DESI1: variants seen among roughly 807,000 people sequenced by gnomAD.
DESI1 encodes PPPDE peptidase domain containing 2.
DESI1 carries 17 observed loss-of-function variants against 22.4 expected under a neutral mutation model. The ratio of observed to expected loss-of-function variants is 0.76; its 90% CI spans 0.52 to 1.14. The LOEUF (loss-of-function observed/expected upper bound fraction) is 1.14. Among genes scored for constraint, DESI1 ranks in the 50% most tolerant of loss-of-function variants. The pLI is 0.00. For synonymous variants in DESI1, 92 were observed against 84.2 expected (o/e 1.09, Z -0.51); for missense variants, 177 against 208.9 (o/e 0.85, Z 0.94).
In DESI1 at chr22:41,601,037, G is replaced by T; in HGVS notation, c.*60C>A. 1 of 1,419,886 alleles carries T rather than the reference G, an allele frequency of 7.0e-7. No individual in the cohort carries two copies. The highest frequency in any genetic ancestry group is 1.2e-5 in the South Asian group (1 of 82,806). The allele number at this position is 1,419,886 out of a possible 1,614,324, so 88.0% of individuals were successfully genotyped here. A position where few individuals can be genotyped will look rare whatever the true frequency, so the allele number is the denominator to read the frequency against. On this transcript the variant is annotated 3_prime_UTR_variant, in exon 6 of 6. Transcript: ENST00000263256. ...AAATTATAAAATAGAAATCTGGTAG[G>T]GTTTGTTTTGTTTAAAAAGGAAAAG...
chr22:41,605,283 A>T (rs1196059898), intron 3 of DESI1, among the ~76,000 whole-genome samples: 1 of 152,144 alleles, frequency 6.6e-6, no homozygotes, highest in Non-Finnish European at 1.5e-5. Flanking sequence ...AGGGCAAGGG[A>T]GTTAATGGCT....
intron 3 of DESI1, among the ~76,000 whole-genome samples, chr22:41,604,885 T>C (rs929853004): frequency 1.3e-5 from 2 of 152,106 alleles, no homozygotes; most frequent in Admixed American, 1.3e-4. Context: ...TTCATTGCCA[T>C]GTGCTGGCAG....
intron 1 of DESI1, among the ~76,000 whole-genome samples, chr22:41,610,372 A>G (rs866533018): frequency 1.3e-5 from 2 of 148,960 alleles, no homozygotes; most frequent in Admixed American, 6.7e-5. Context: ...ACAGGGTGAG[A>G]CTCTGTCTCA....
rs1463020287 is a variant in DESI1, at chr22:41,600,295, C to T, written c.*802G>A. 2 of 152,382 alleles carry T rather than the reference C, an allele frequency of 1.3e-5. No individual in the cohort carries two copies. Among genetic ancestry groups the T allele is most frequent in the South Asian group, 4.1e-4 (2 of 4,832 alleles). 9.4% of individuals were successfully genotyped at this position (152,382 alleles called of 1,614,324 possible). A position where few individuals can be genotyped will look rare whatever the true frequency, so the allele number is the denominator to read the frequency against. On this transcript the variant is annotated 3_prime_UTR_variant, in exon 6 of 6. Transcript: ENST00000263256. ...TGGTGGTTACAGAGACTGCAAATAA[C>T]CTACATCATTACTTGCAGAAAAAAG...
chr22:41,603,892 A>AT, intron 4 of DESI1, 152 bp downstream of exon 4: 1 of 632,958 alleles, frequency 1.6e-6, no homozygotes, highest in South Asian at 2.2e-5. Context: ...TTTTTGTAGC[A>AT]TAACTGCCTT....
intron 1 of DESI1, among the ~76,000 whole-genome samples, chr22:41,609,915 T>G (rs919522589): frequency 3.3e-5 from 5 of 149,932 alleles, no homozygotes; most frequent in African/African-American, 4.9e-5. Context: ...ACCCCGTTTC[T>G]ACTAAAAACA....
At chr22:41,604,934 G>T (rs76138219) in intron 3 of DESI1, among the ~76,000 whole-genome samples, 222 of 152,040 alleles carry the variant, frequency 1.5e-3, no homozygotes, top group African/African-American at 5.3e-3. Flanking sequence ...TAGAGGGGAG[G>T]GGGGGCCCTG....
Position 41,604,082 on chromosome 22 carries a change from A to G in DESI1, c.252T>C (p.Phe84=). 6.2e-7 allele frequency: 1 copy of G among 1,613,822 alleles called. No individual in the cohort carries two copies. Among genetic ancestry groups the G allele is most frequent in the Non-Finnish European group, 8.5e-7 (1 of 1,179,978 alleles). Reference sequence around the variant, plus strand: ...CCCCCAGGGAGGAGAGGTACTCCAGAAAGATTTCTTCTGTGACTTCTGTAC... The same window carrying G: ...CCCCCAGGGAGGAGAGGTACTCCAGGAAGATTTCTTCTGTGACTTCTGTAC... The part of the protein sequence containing the change: ...VGSTEVTEEI[F]LEYLSSLGES... Residue 84 remains phenylalanine (F), a synonymous_variant, in exon 4 of 6, where the codon TTT becomes TTC. Coordinates refer to ENST00000263256, the MANE Select transcript of DESI1 (RefSeq NM_015704.3).
chr22:41,616,632 G>A (rs1439727797), intron 1 of DESI1, among the ~76,000 whole-genome samples: 3 of 152,070 alleles, frequency 2.0e-5, no homozygotes, highest in South Asian at 2.1e-4. Flanking sequence ...ATTATTAAGA[G>A]GAGGAACTGA....
chr22:41,604,075 A>C lies in DESI1; in HGVS notation c.259T>G (p.Tyr87Asp). The C allele has an allele frequency of 1.9e-6, 3 of 1,613,814 alleles. No individual in the cohort carries two copies. In the South Asian group the frequency reaches 3.3e-5, roughly 18 times the overall value. ...TEVTEEIFLE[Y>D]LSSLGESLFR... The stretch of plus-strand genomic sequence containing the variant: ...AGGGACTCCCCCAGGGAGGAGAGGT[A>C]CTCCAGAAAGATTTCTTCTGTGACT... The change falls in exon 4 of 6, where the codon TAC becomes GAC. Residue 87 changes from tyrosine to aspartate, a missense_variant. By Grantham distance (160) the Tyr-to-Asp change is radical. Coordinates refer to ENST00000263256, the MANE Select transcript of DESI1 (RefSeq NM_015704.3).
intron 3 of DESI1, among the ~76,000 whole-genome samples, chr22:41,606,250 G>C (rs1362053397): frequency 6.6e-6 from 1 of 152,046 alleles, no homozygotes; most frequent in Non-Finnish European, 1.5e-5. Flanking sequence ...TAGCCACTCA[G>C]GTGGCTCAAG....
At position 41,620,879 on chromosome 22, in the gene DESI1, A is replaced by T; in HGVS notation, c.-40T>A. On this transcript the variant is annotated 5_prime_UTR_variant, in exon 1 of 6. Coordinates refer to ENST00000263256, the MANE Select transcript of DESI1 (RefSeq NM_015704.3). ...ACGGCGGCCACGACGGCCCTCGGGC[A>T]CCCGGCAGCGGCTTGGACCTTCCCG... 6.3e-7 allele frequency: 1 copy of T among 1,581,914 alleles called. No individual in the cohort carries two copies. The highest frequency in any genetic ancestry group is 8.6e-7 in the Non-Finnish European group (1 of 1,164,720).
chr22:41,602,662 T>G (rs930395551), intron 5 of DESI1: 1 of 987,034 alleles, frequency 1.0e-6, no homozygotes, highest in Non-Finnish European at 1.2e-6. Context: ...TTTGGGGGTG[T>G]TGTGTCCTTT....
intron 4 of DESI1, among the ~76,000 whole-genome samples, chr22:41,603,743 C>T (rs1175289838): frequency 1.3e-5 from 2 of 152,196 alleles, no homozygotes; most frequent in African/African-American, 4.8e-5. Context: ...CCTGTTTTTC[C>T]TTCTGCAAAC....
intron 1 of DESI1, among the ~76,000 whole-genome samples, chr22:41,609,559 C>T (rs750914896): frequency 1.3e-4 from 20 of 152,108 alleles, no homozygotes; most frequent in African/African-American, 4.3e-4. Context: ...TTTGGGAGGC[C>T]GAGGCAGGCA....
intron 1 of DESI1, among the ~76,000 whole-genome samples, chr22:41,611,276 G>T (rs1419064104): frequency 6.6e-6 from 1 of 152,148 alleles, no homozygotes; most frequent in Non-Finnish European, 1.5e-5. Flanking sequence ...GGGATTACAG[G>T]TGTGCGCCAC....
chr22:41,606,773 CAAAAAAAAAAA>C lies in DESI1; in HGVS notation c.180+478_180+488del, dbSNP rs67262006. 3.0e-4 allele frequency among the ~76,000 whole-genome samples: 19 copies of C among 62,736 alleles called. No homozygotes were observed. The Admixed American group carries it at 4.4e-3, about 15-fold the overall frequency. The allele number at this position is 62,736 out of a possible 152,430, so 41.2% of individuals were successfully genotyped here. ...TGGGCGACGGAGCGAGACTCCATCT[CAAAAAAAAAAA>C]AAAAAAAAAAAAAAAAAGAAATTTT... On this transcript the variant is annotated intron_variant, in intron 3 of 5. Coordinates refer to ENST00000263256, the MANE Select transcript of DESI1 (RefSeq NM_015704.3).
chr22:41,615,545 C>G (rs980061169), intron 1 of DESI1, among the ~76,000 whole-genome samples: 4 of 152,196 alleles, frequency 2.6e-5, no homozygotes, highest in Non-Finnish European at 5.9e-5. Context: ...GAGTATAAAA[C>G]AGTTCACACA....
rs1381705397 is a variant in DESI1 at position 41,601,166 on chromosome 22, G to T, written c.438C>A (p.Pro146=). 1.2e-6 allele frequency: 2 copies of T among 1,611,520 alleles called. No individual in the cohort carries two copies. The highest frequency in any genetic ancestry group is 1.3e-5 in the African/African-American group (1 of 74,820). The part of the protein sequence containing the change: ...LSTPFGQALR[P]LLDSIQIQPP... The stretch of plus-strand genomic sequence containing the variant: ...GCTGGATCTGAATGGAGTCCAGGAG[G>T]GGCCGAAGTGCCTGTCCAAAGGGCC... The change falls in exon 6 of 6, where the codon CCC becomes CCA. Residue 146 remains proline (P), a synonymous_variant. Coordinates refer to ENST00000263256, the MANE Select transcript of DESI1 (RefSeq NM_015704.3).
Sources: gnomAD v4.1 joint callset for allele counts (sites outside exome capture counted in the v4.1 genomes callset) on GRCh38, gnomAD v4.1.1 for gene constraint, MANE v1.5 for transcripts, NCBI Gene and HGNC (gene_info 2026-07-23, HGNC 2026-07-21) for gene names.